Variants in RPL5 observed in about 807,000 individuals in gnomAD.
RPL5 encodes the protein ribosomal protein L5.
A neutral mutation model predicts 38.4 loss-of-function variants in RPL5; 1 was observed. The ratio of observed to expected loss-of-function variants is 0.03; its 90% confidence interval spans 0.01 to 0.12. RPL5 has a LOEUF of 0.12. RPL5 is among the 10% of genes least tolerant of loss of function. The probability of loss-of-function intolerance (pLI) is 1.00; values close to 1 mark genes in which losing one functional copy is unlikely to be tolerated. For synonymous variants in RPL5, 109 were observed against 121.2 expected, an observed-to-expected ratio of 0.90 and a Z score of 0.66; for missense variants, 243 against 374.1, an observed-to-expected ratio of 0.65 and a Z score of 2.89.
rs775785062 is a variant in RPL5, at chr1:92,840,552, T to G, written c.707T>G (p.Met236Arg). ...YIKNSVTPDM[M>R]EEMYKKAHAA... is the part of the protein sequence containing the mutation. The stretch of plus-strand genomic sequence containing the variant: ...ACTGTTTGCTTTCCTTTGTTTCAGA[T>G]GGAGGAGATGTATAAGAAAGCTCAT... The change falls in exon 7 of 8, where the codon ATG becomes AGG. Residue 236 changes from methionine to arginine, a missense_variant and splice_region_variant. Transcript: ENST00000370321. 1 of 1,611,260 alleles carries G rather than the reference T, an allele frequency of 6.2e-7. No individual in the cohort carries two copies. Among genetic ancestry groups the G allele is most frequent in the Admixed American group, 1.7e-5 (1 of 59,986 alleles).
chr1:92,840,430 A>G, intron 6 of RPL5, 121 bp from the exon 7 acceptor site: 1 of 766,170 alleles, frequency 1.3e-6, no homozygotes, highest in Non-Finnish European at 2.3e-6. Context: ...GTTTACCAAC[A>G]TTGATTTAGT....
chr1:92,832,040 C>T lies in RPL5; in HGVS notation c.-75C>T, dbSNP rs1425125052. The T allele has an allele frequency of 2.5e-5, 40 of 1,605,174 alleles. No individual in the cohort carries two copies. Among genetic ancestry groups the T allele is most frequent in the East Asian group, 9.0e-5 (4 of 44,566 alleles). On this transcript the variant is annotated 5_prime_UTR_variant, in exon 1 of 8. Coordinates refer to ENST00000370321, the MANE Select transcript of RPL5 (RefSeq NM_000969.5). ...ACTGCGCCTGCGCAAGGGCTGTGGC[C>T]CTTTTCCCACCCCCTAGCGCCGCTG...
At chr1:92,835,280 C>G in intron 4 of RPL5, 1 of 348,816 alleles carries the variant, frequency 2.9e-6, no homozygotes, top group East Asian at 7.1e-5. Context: ...AAAATGCAGA[C>G]TCGTGGGAAC....
In RPL5 at chr1:92,833,554, C is replaced by G. The variant is rs774705183; in HGVS notation, c.83C>G (p.Thr28Ser). The part of the protein sequence containing the change: ...VKFRRRREGK[T>S]DYYARKRLVI... ...TATTTTTTTCTTTCAGAGGGTAAAA[C>G]TGATTATTATGCTCGGAAACGCTTG... The change falls in exon 3 of 8, where the codon ACT (threonine) becomes AGT (serine). Residue 28 changes from threonine to serine, a missense_variant. Transcript: ENST00000370321. 2 of 1,613,682 alleles carry G rather than the reference C, an allele frequency of 1.2e-6. No homozygotes were observed. The highest frequency in any genetic ancestry group is 1.7e-6 in the Non-Finnish European group (2 of 1,179,828).
chr1:92,833,187 T>C (rs1686979146), intron 1 of RPL5: 3 of 649,184 alleles, frequency 4.6e-6, no homozygotes, highest in South Asian at 1.8e-5. Context: ...TTTTATTGTT[T>C]TATGAAACTA....
At chr1:92,832,460 C>T (rs1213154089) in intron 1 of RPL5, among the ~76,000 whole-genome samples, 1 of 152,182 alleles carries the variant, frequency 6.6e-6, no homozygotes, top group Non-Finnish European at 1.5e-5. Context: ...TCGACCTCAG[C>T]CTAGCTGGGG....
chr1:92,834,733 A>C (rs1221903283), intron 3 of RPL5, 46 bp from the exon 4 acceptor site: 1 of 1,609,694 alleles, frequency 6.2e-7, no homozygotes, highest in East Asian at 2.2e-5. Context: ...ATGTAGTAAG[A>C]CAGTGAAAGC....
At chr1:92,833,806 A>G (rs1687010760) in intron 3 of RPL5, 146 bp downstream of exon 3, 1 of 666,998 alleles carries the variant, frequency 1.5e-6, no homozygotes, top group East Asian at 2.7e-5. Flanking sequence ...TAGGTCTAGA[A>G]TTGGAACCTG....
At chr1:92,836,424 G>A in intron 5 of RPL5, 32 bp downstream of exon 5, 1 of 1,590,624 alleles carries the variant, frequency 6.3e-7, no homozygotes, top group South Asian at 1.1e-5. Flanking sequence ...TTGGTGCCTG[G>A]ACCGTGGTAC....
chr1:92,833,131 T>G, intron 1 of RPL5: 1 of 674,350 alleles, frequency 1.5e-6, no homozygotes, highest in South Asian at 1.6e-5. Context: ...AATTGGGGCC[T>G]GCATTTTGTA....
In RPL5 at chr1:92,836,292, A is replaced by G. The variant is rs767564815; in HGVS notation, c.427A>G (p.Thr143Ala). The change falls in exon 5 of 8, where the codon ACC becomes GCC. Residue 143 changes from threonine (T) to alanine (A), a missense_variant. Transcript: ENST00000370321. ...ESIDGQPGAFTCYLDAGLART... is the reference protein window; with the variant it reads ...ESIDGQPGAFACYLDAGLART... ...CATTGATGGTCAGCCAGGTGCCTTCACCTGCTATTTGGATGCAGGCCTTGC... is the reference window on the plus strand; with the variant it reads ...CATTGATGGTCAGCCAGGTGCCTTCGCCTGCTATTTGGATGCAGGCCTTGC... The G allele has an allele frequency of 1.2e-6, 2 of 1,614,122 alleles. No homozygotes were observed. The highest frequency in any genetic ancestry group is 1.3e-5 in the African/African-American group (1 of 75,048).
intron 3 of RPL5, 110 bp from the exon 4 acceptor site, chr1:92,834,669 T>C: frequency 7.0e-7 from 1 of 1,436,572 alleles, no homozygotes; most frequent in Non-Finnish European, 9.7e-7. Context: ...GCATTTTAAG[T>C]GATGTTCATC....
chr1:92,836,895 T>G (rs1214264743), intron 5 of RPL5: 1 of 207,476 alleles, frequency 4.8e-6, no homozygotes, highest in Non-Finnish European at 9.9e-6. Context: ...TTAATGATAT[T>G]TTTTGTTGTT....
intron 4 of RPL5, 52 bp from the exon 5 acceptor site, chr1:92,836,138 T>G: frequency 6.6e-7 from 1 of 1,523,414 alleles, no homozygotes; most frequent in South Asian, 1.1e-5. Context: ...TATTTTAATT[T>G]TAGAGCAGTT....
At position 92,841,910 on chromosome 1, in the gene RPL5, T is replaced by TA; in HGVS notation, c.*46dup. 7.2e-7 allele frequency: 1 copy of TA among 1,387,046 alleles called. No homozygotes were observed. The allele number at this position is 1,387,046 out of a possible 1,614,324, so 85.9% of individuals were successfully genotyped here. ...TTTTTTCAGATATAGATAATAAACTTATGAACAGCAACTATTTCTGTGTTA... is the reference window on the plus strand; with the variant it reads ...TTTTTTCAGATATAGATAATAAACTTAATGAACAGCAACTATTTCTGTGTTA... On this transcript the variant is annotated 3_prime_UTR_variant, in exon 8 of 8. Transcript: ENST00000370321.
chr1:92,832,950 T>A (rs1686967078), intron 1 of RPL5: 3 of 712,524 alleles, frequency 4.2e-6, no homozygotes, highest in Admixed American at 2.0e-5. Flanking sequence ...ACATAGCGTG[T>A]TCCGAACAAA....
At chr1:92,832,957 C>G in intron 1 of RPL5, 1 of 716,216 alleles carries the variant, frequency 1.4e-6, no homozygotes, top group Non-Finnish European at 2.6e-6. Flanking sequence ...GTGTTCCGAA[C>G]AAACCGACGT....
intron 7 of RPL5, 54 bp downstream of exon 7, chr1:92,840,693 A>AAC: frequency 1.6e-6 from 2 of 1,280,698 alleles, no homozygotes; most frequent in Non-Finnish European, 2.2e-6. Flanking sequence ...AATGGTTCCC[A>AAC]CGTGGGGCAG....
At chr1:92,832,035 G>T, upstream of RPL5, 3 of 1,600,076 alleles carry the variant, frequency 1.9e-6, no homozygotes, top group Admixed American at 3.4e-5. Flanking sequence ...CGCAAGGGCT[G>T]TGGCCCTTTT....
Sources: allele counts gnomAD v4.1 joint callset (sites outside exome capture counted in the v4.1 genomes callset), GRCh38; gene constraint gnomAD v4.1.1; transcripts MANE v1.5; gene names NCBI Gene and HGNC (gene_info 2026-07-23, HGNC 2026-07-21).